The following TMEM232 variants were observed in gnomAD, a reference collection of about 807,000 sequenced individuals.
TMEM232 encodes transmembrane protein 232.
A neutral mutation model predicts 78.8 loss-of-function variants in TMEM232; 80 were observed. That is an observed-to-expected ratio of 1.01 (90% CI 0.85 to 1.22). TMEM232 has a LOEUF of 1.22. Ranked by LOEUF, TMEM232 falls within the 50% of genes most tolerant of loss-of-function variation. TMEM232 has a pLI of 0.00. For synonymous variants in TMEM232, 297 were observed against 254.3 expected (o/e 1.17, Z -1.60); for missense variants, 881 against 742.2 (o/e 1.19, Z -2.17).
At chr5:110,673,643 G>A (rs1791653398) in intron 1 of TMEM232, among the ~76,000 whole-genome samples, 1 of 152,162 alleles carries the variant, frequency 6.6e-6, no homozygotes, top group Admixed American at 6.6e-5. Flanking sequence ...GGGATTATGA[G>A]GTAGAAGTTG....
At chr5:110,568,932 C>G (rs1041482435) in intron 10 of TMEM232, among the ~76,000 whole-genome samples, 1 of 151,742 alleles carries the variant, frequency 6.6e-6, no homozygotes, top group Non-Finnish European at 1.5e-5. Flanking sequence ...TCTTAGAATT[C>G]AAGTAAAGAG....
chr5:110,733,722 AC>A (rs1197845044), intron 2 of TMEM232, among the ~76,000 whole-genome samples: 1 of 152,176 alleles, frequency 6.6e-6, no homozygotes, highest in Non-Finnish European at 1.5e-5. Context: ...CAGAAAAAAA[AC>A]CTATTGGGTG....
intron 12 of TMEM232, 111 bp from the exon 13 acceptor site, chr5:110,425,027 T>C: frequency 1.2e-6 from 1 of 829,912 alleles, no homozygotes. Context: ...GATTCTTCAT[T>C]GTTAACATAA....
At position 110,627,898 on chromosome 5, in the gene TMEM232, A is replaced by G. The variant is rs1477491733; in HGVS notation, c.502-18T>C. On this transcript the variant is annotated intron_variant, in intron 5 of 13. Coordinates refer to ENST00000455884, the MANE Select transcript of TMEM232 (RefSeq NM_001039763.4). ...TAGCCAATCTGTCAAAAGAGAAAAG[A>G]AAAATACATTTTTGTGTTGCATCAA... The G allele has an allele frequency of 5.5e-6, 8 of 1,451,050 alleles. No homozygotes were observed. The highest frequency in any genetic ancestry group is 7.4e-6 in the Non-Finnish European group (8 of 1,077,718). The allele number at this position is 1,451,050 out of a possible 1,614,324, so 89.9% of individuals were successfully genotyped here. A position where few individuals can be genotyped will look rare whatever the true frequency, so the allele number is the denominator to read the frequency against.
At chr5:110,462,300 C>T (rs1393660451) in intron 12 of TMEM232, among the ~76,000 whole-genome samples, 1 of 152,088 alleles carries the variant, frequency 6.6e-6, no homozygotes, top group African/African-American at 2.4e-5. Flanking sequence ...TGAGTGTCAA[C>T]TTTGATTGGA....
At chr5:110,736,097 G>T (rs1799133476) in intron 1 of TMEM232, among the ~76,000 whole-genome samples, 1 of 152,170 alleles carries the variant, frequency 6.6e-6, no homozygotes, top group African/African-American at 2.4e-5. Context: ...CAAACATTCT[G>T]TTGTTTTCAT....
intron 12 of TMEM232, among the ~76,000 whole-genome samples, chr5:110,513,198 T>C (rs1031198872): frequency 6.6e-6 from 1 of 152,166 alleles, no homozygotes; most frequent in African/African-American, 2.4e-5. Context: ...TACAAACCGA[T>C]GTACGAAGCA....
intron 12 of TMEM232, among the ~76,000 whole-genome samples, chr5:110,449,326 G>T (rs1434828383): frequency 6.6e-6 from 1 of 151,872 alleles, no homozygotes; most frequent in African/African-American, 2.4e-5. Context: ...GTACTTTCAT[G>T]GTACATGCTG....
At chr5:110,453,175 C>T (rs1760506814) in intron 12 of TMEM232, among the ~76,000 whole-genome samples, 1 of 152,094 alleles carries the variant, frequency 6.6e-6, no homozygotes, top group Admixed American at 6.5e-5. Context: ...ATTTTTGGCC[C>T]AATTTGCTGC....
downstream of TMEM232, among the ~76,000 whole-genome samples, chr5:110,415,090 C>T (rs918650571): frequency 6.6e-6 from 1 of 152,160 alleles, no homozygotes; most frequent in African/African-American, 2.4e-5. Flanking sequence ...ACCTGTCAGA[C>T]TCAGGCTCCT....
downstream of TMEM232, among the ~76,000 whole-genome samples, chr5:110,419,018 T>C (rs1756401533): frequency 6.6e-6 from 1 of 152,082 alleles, no homozygotes; most frequent in African/African-American, 2.4e-5. Context: ...GAGAGAGGTT[T>C]GGATGGAAGG....
At chr5:110,394,977 G>T (rs7714521) in intron 3 of TMEM232, among the ~76,000 whole-genome samples, 3 of 151,966 alleles carry the variant, frequency 2.0e-5, no homozygotes, top group Non-Finnish European at 4.4e-5. Context: ...GGCATTCTCT[G>T]TTGTTTTGCT....
At chr5:110,685,336 TGAA>T (rs2150198905) in intron 1 of TMEM232, among the ~76,000 whole-genome samples, 1 of 152,006 alleles carries the variant, frequency 6.6e-6, no homozygotes, top group Non-Finnish European at 1.5e-5. Flanking sequence ...AAAGTGGAAG[TGAA>T]GAGAAGTTTT....
chr5:110,644,030 G>C (rs1248794912), intron 2 of TMEM232, among the ~76,000 whole-genome samples: 2 of 151,884 alleles, frequency 1.3e-5, no homozygotes, highest in Admixed American at 6.6e-5. Flanking sequence ...TTGCATTGCG[G>C]ATACAGTAGC....
At chr5:110,571,744 G>A (rs1329863231) in intron 10 of TMEM232, among the ~76,000 whole-genome samples, 1 of 151,528 alleles carries the variant, frequency 6.6e-6, no homozygotes, top group Non-Finnish European at 1.5e-5. Flanking sequence ...TGTAGTCCCA[G>A]GTACTCAGGA....
At chr5:110,546,120 A>G (rs1174637379) in intron 11 of TMEM232, among the ~76,000 whole-genome samples, 1 of 152,082 alleles carries the variant, frequency 6.6e-6, no homozygotes, top group Non-Finnish European at 1.5e-5. Context: ...CTTATTAAAT[A>G]TTTCACCTCT....
intron 12 of TMEM232, among the ~76,000 whole-genome samples, chr5:110,461,703 C>A (rs970986636): frequency 6.6e-6 from 1 of 152,114 alleles, no homozygotes; most frequent in Non-Finnish European, 1.5e-5. Context: ...GATAATGCAG[C>A]CAATGAATGT....
intron 2 of TMEM232, among the ~76,000 whole-genome samples, chr5:110,408,045 A>C (rs10063498): frequency 0.036 from 5,479 of 152,248 alleles, 350 homozygotes; most frequent in African/African-American, 0.13. Context: ...ATGGAAATAC[A>C]ACACACCAAA....
At chr5:110,702,193 C>T (rs1002527291) in intron 1 of TMEM232, among the ~76,000 whole-genome samples, 1 of 152,064 alleles carries the variant, frequency 6.6e-6, no homozygotes, top group Non-Finnish European at 1.5e-5. Context: ...ACAATAGCCC[C>T]TGTTTTGGGC....
Sources: allele counts gnomAD v4.1 joint callset (sites outside exome capture counted in the v4.1 genomes callset), GRCh38; gene constraint gnomAD v4.1.1; transcripts MANE v1.5; gene names NCBI Gene and HGNC (gene_info 2026-07-23, HGNC 2026-07-21).